Variants in ROBO2 observed in about 807,000 individuals in gnomAD.
ROBO2 encodes the protein roundabout homolog 2.
A neutral mutation model predicts 160.8 loss-of-function variants in ROBO2; 53 were observed. The observed-to-expected ratio is 0.33, with a 90% CI of 0.26 to 0.41. The LOEUF (loss-of-function observed/expected upper bound fraction) is 0.41, where lower values mean the gene tolerates loss of function less well. Among genes scored for constraint, ROBO2 ranks in the 10% least tolerant of loss-of-function variants. The pLI is 1.00. For synonymous variants in ROBO2, 664 were observed against 611.7 expected (o/e 1.09, Z -1.26); for missense variants, 1,577 against 1,722.4 (o/e 0.92, Z 1.49).
At chr3:77,142,821 A>G (rs994587806) in intron 2 of ROBO2, among the ~76,000 whole-genome samples, 2 of 152,142 alleles carry the variant, frequency 1.3e-5, no homozygotes. Context: ...CAGGCTAGGC[A>G]TGTGCACATA....
At chr3:77,134,842 C>A (rs2076147853) in intron 2 of ROBO2, among the ~76,000 whole-genome samples, 1 of 152,196 alleles carries the variant, frequency 6.6e-6, no homozygotes, top group Non-Finnish European at 1.5e-5. Flanking sequence ...GGACTCATAA[C>A]CCTTAATAAG....
chr3:75,949,304 A>G (rs936489880), intron 2 of ROBO2, among the ~76,000 whole-genome samples: 15 of 151,980 alleles, frequency 9.9e-5, no homozygotes, highest in African/African-American at 3.6e-4. Context: ...GATTCTTTCA[A>G]TTTAGAAGTT....
intron 2 of ROBO2, among the ~76,000 whole-genome samples, chr3:77,283,175 G>T (rs1024634413): frequency 6.6e-6 from 1 of 151,942 alleles, no homozygotes. Context: ...TATCTAAAAG[G>T]GAAATGAAGA....
chr3:76,146,393 T>C (rs901078324), intron 2 of ROBO2, among the ~76,000 whole-genome samples: 2 of 151,870 alleles, frequency 1.3e-5, no homozygotes, highest in Non-Finnish European at 2.9e-5. Flanking sequence ...CCTATATCTC[T>C]ACTCATTTCT....
intron 2 of ROBO2, among the ~76,000 whole-genome samples, chr3:76,640,822 G>A (rs1289438758): frequency 6.6e-6 from 1 of 151,968 alleles, no homozygotes; most frequent in African/African-American, 2.4e-5. Flanking sequence ...TGGAAAATAA[G>A]GACGTTCTCA....
intron 2 of ROBO2, among the ~76,000 whole-genome samples, chr3:77,240,235 G>A (rs2088804111): frequency 6.6e-6 from 1 of 152,174 alleles, no homozygotes; most frequent in Non-Finnish European, 1.5e-5. Flanking sequence ...CTGCCCCGCA[G>A]GGAGGCAGCT....
At chr3:76,700,967 A>G (rs1001325123) in intron 2 of ROBO2, among the ~76,000 whole-genome samples, 2 of 152,212 alleles carry the variant, frequency 1.3e-5, no homozygotes, top group African/African-American at 2.4e-5. Context: ...CTTAATTACT[A>G]TACACCAGAA....
At chr3:76,673,752 A>C (rs905249210) in intron 2 of ROBO2, among the ~76,000 whole-genome samples, 3 of 152,110 alleles carry the variant, frequency 2.0e-5, no homozygotes, top group Non-Finnish European at 4.4e-5. Flanking sequence ...AAATAGACCC[A>C]AAATTCAAAG....
chr3:76,333,071 A>G (rs1362572915), intron 2 of ROBO2, among the ~76,000 whole-genome samples: 1 of 152,198 alleles, frequency 6.6e-6, no homozygotes, highest in Non-Finnish European at 1.5e-5. Flanking sequence ...CCCTGGAGCC[A>G]CACCTTGAGA....
chr3:77,641,829 T>C (rs994030338), intron 24 of ROBO2, among the ~76,000 whole-genome samples: 1 of 152,160 alleles, frequency 6.6e-6, no homozygotes, highest in Non-Finnish European at 1.5e-5. Flanking sequence ...GGTATTATGA[T>C]CTGAAGAGTT....
chr3:77,579,898 A>G (rs2093869473), intron 15 of ROBO2, 49 bp from the exon 17 acceptor site: 7 of 1,520,394 alleles, frequency 4.6e-6, no homozygotes, highest in Non-Finnish European at 5.5e-6. Flanking sequence ...TCTCGTTACC[A>G]GAAACGATAA....
chr3:77,555,000 C>T (rs965151574), intron 8 of ROBO2, among the ~76,000 whole-genome samples: 3 of 151,854 alleles, frequency 2.0e-5, no homozygotes, highest in East Asian at 1.9e-4. Context: ...GCTTTATTGT[C>T]TTATTTTAAG....
At chr3:76,364,564 G>T (rs915007871) in intron 2 of ROBO2, among the ~76,000 whole-genome samples, 2 of 151,890 alleles carry the variant, frequency 1.3e-5, no homozygotes, top group African/African-American at 4.8e-5. Context: ...TAACTTGGCT[G>T]TAATTCATGA....
intron 2 of ROBO2, among the ~76,000 whole-genome samples, chr3:76,221,364 T>A (rs191924463): frequency 2.0e-5 from 3 of 150,674 alleles, no homozygotes; most frequent in African/African-American, 7.3e-5. Flanking sequence ...GTAGTGCCAC[T>A]CTCATTTTAC....
chr3:77,322,874 T>C (rs1182297048), intron 2 of ROBO2, among the ~76,000 whole-genome samples: 1 of 114,260 alleles, frequency 8.8e-6, no homozygotes, highest in South Asian at 2.5e-4. Context: ...TAATATATTA[T>C]GTAATATATT....
At chr3:76,689,198 C>G (rs539667682) in intron 2 of ROBO2, among the ~76,000 whole-genome samples, 4 of 152,056 alleles carry the variant, frequency 2.6e-5, no homozygotes, top group Non-Finnish European at 4.4e-5. Context: ...AAATATATAA[C>G]ATCATGTTTA....
chr3:75,968,418 T>A (rs2064876367), intron 2 of ROBO2, among the ~76,000 whole-genome samples: 1 of 151,528 alleles, frequency 6.6e-6, no homozygotes, highest in Non-Finnish European at 1.5e-5. Context: ...TTTTTTCAAG[T>A]TTTGAAATTT....
chr3:76,947,410 C>T (rs1227709497), intron 2 of ROBO2, among the ~76,000 whole-genome samples: 1 of 151,996 alleles, frequency 6.6e-6, no homozygotes, highest in African/African-American at 2.4e-5. Context: ...TTCATTCTTC[C>T]TTGATTTACT....
chr3:76,390,929 A>G (rs1231657853), intron 2 of ROBO2, among the ~76,000 whole-genome samples: 7 of 152,180 alleles, frequency 4.6e-5, no homozygotes, highest in Admixed American at 3.9e-4. Context: ...AAGTGTACCC[A>G]ATAAATAAAA....
Sources: allele counts gnomAD v4.1 joint callset (sites outside exome capture counted in the v4.1 genomes callset), GRCh38; gene constraint gnomAD v4.1.1; transcripts MANE v1.5; gene names NCBI Gene and HGNC (gene_info 2026-07-23, HGNC 2026-07-21).